SYNJ1: variants seen among roughly 807,000 people sequenced by gnomAD.
SYNJ1 encodes polyphosphatidylinositol phosphatase SYNJ1.
A neutral mutation model predicts 168.2 loss-of-function variants in SYNJ1; 78 were observed. The ratio of observed to expected loss-of-function variants is 0.46; its 90% confidence interval spans 0.39 to 0.56. SYNJ1 has a LOEUF of 0.56. Among genes scored for constraint, SYNJ1 ranks in the 20% least tolerant of loss-of-function variants. The probability of loss-of-function intolerance (pLI) is 0.00; values close to 1 mark genes in which losing one functional copy is unlikely to be tolerated. For synonymous variants in SYNJ1, 539 were observed against 548.6 expected (o/e 0.98, Z 0.24); for missense variants, 1,303 against 1,597.6 (o/e 0.82, Z 3.14).
At chr21:32,701,762 A>G (rs1227751691) in intron 3 of SYNJ1, among the ~76,000 whole-genome samples, 199 bp downstream of exon 3, 1 of 152,166 alleles carries the variant, frequency 6.6e-6, no homozygotes, top group Non-Finnish European at 1.5e-5. Flanking sequence ...TTCCACTCAC[A>G]TGAGTTTGAG....
intron 2 of SYNJ1, among the ~76,000 whole-genome samples, chr21:32,723,190 G>A (rs556558302): frequency 1.3e-5 from 2 of 152,306 alleles, no homozygotes; most frequent in Non-Finnish European, 2.9e-5. Context: ...TCCCTAAGGG[G>A]ATCCATTGTA....
intron 12 of SYNJ1, among the ~76,000 whole-genome samples, chr21:32,677,401 A>C (rs1313941878): frequency 6.6e-6 from 1 of 152,174 alleles, no homozygotes; most frequent in Non-Finnish European, 1.5e-5. Flanking sequence ...AGCAGAACTG[A>C]CTGTACTTTT....
intron 18 of SYNJ1, among the ~76,000 whole-genome samples, chr21:32,663,928 C>T (rs11909288): frequency 6.1e-4 from 93 of 152,300 alleles, no homozygotes; most frequent in African/African-American, 2.2e-3. Context: ...TTACTAATTG[C>T]TGTCTATACA....
At chr21:32,678,311 G>A (rs997690865) in intron 12 of SYNJ1, among the ~76,000 whole-genome samples, 3 of 152,106 alleles carry the variant, frequency 2.0e-5, no homozygotes, top group African/African-American at 7.2e-5. Context: ...TGCATAATTA[G>A]ATTATTAAAT....
intron 2 of SYNJ1, among the ~76,000 whole-genome samples, chr21:32,713,870 T>G (rs1387876742): frequency 6.6e-6 from 1 of 152,208 alleles, no homozygotes; most frequent in East Asian, 1.9e-4. Context: ...GAAAAACACT[T>G]AAAACTATTC....
At chr21:32,684,918 G>A (rs1000839372) in intron 9 of SYNJ1, among the ~76,000 whole-genome samples, 2 of 152,222 alleles carry the variant, frequency 1.3e-5, no homozygotes, top group African/African-American at 2.4e-5. Flanking sequence ...GGTGGCTCAC[G>A]CCTGTAATCC....
intron 6 of SYNJ1, among the ~76,000 whole-genome samples, chr21:32,688,848 C>A (rs988321089): frequency 6.6e-6 from 1 of 152,174 alleles, no homozygotes; most frequent in African/African-American, 2.4e-5. Flanking sequence ...TCCAAGCTGC[C>A]TACCAATACA....
At chr21:32,676,549 A>T (rs1043073114) in intron 12 of SYNJ1, among the ~76,000 whole-genome samples, 194 bp from the exon 13 acceptor site, 1 of 152,190 alleles carries the variant, frequency 6.6e-6, no homozygotes, top group Non-Finnish European at 1.5e-5. Flanking sequence ...TTCTGCACCT[A>T]AGAAGAATCC....
chr21:32,680,692 T>G (rs2041589448), intron 11 of SYNJ1, among the ~76,000 whole-genome samples: 1 of 152,096 alleles, frequency 6.6e-6, no homozygotes, highest in Non-Finnish European at 1.5e-5. Context: ...CTTGGCTCAC[T>G]GCAACCACCA....
intron 32 of SYNJ1, among the ~76,000 whole-genome samples, chr21:32,634,004 T>C (rs2039454294): frequency 6.6e-6 from 1 of 152,162 alleles, no homozygotes. Context: ...CTCTGGACTA[T>C]TTATAGTTAA....
chr21:32,649,473 G>A (rs571721722), intron 23 of SYNJ1, among the ~76,000 whole-genome samples: 5 of 152,268 alleles, frequency 3.3e-5, no homozygotes, highest in African/African-American at 9.6e-5. Context: ...TGATAATGTT[G>A]CCATCAAACA....
intron 1 of SYNJ1, 54 bp from the exon 2 acceptor site, chr21:32,726,971 A>C: frequency 6.3e-7 from 1 of 1,585,238 alleles, no homozygotes; most frequent in East Asian, 2.3e-5. Flanking sequence ...CTTCTGCAGC[A>C]AGGACTGCAA....
intron 23 of SYNJ1, among the ~76,000 whole-genome samples, chr21:32,648,237 C>T (rs2040146355): frequency 6.6e-6 from 1 of 152,166 alleles, no homozygotes; most frequent in Non-Finnish European, 1.5e-5. Flanking sequence ...AACCACCACC[C>T]TAGGACCTCC....
At position 32,646,376 on chromosome 21, in the gene SYNJ1, T is replaced by C; in HGVS notation, c.3247+17A>G. 6.2e-7 allele frequency: 1 copy of C among 1,608,884 alleles called. No homozygotes were observed. ...GGCCACAGGAAGCCATACAAAACTTTCAAATAAAATGCATACTCTGTGCAC... is the reference window on the plus strand; with the variant it reads ...GGCCACAGGAAGCCATACAAAACTTCCAAATAAAATGCATACTCTGTGCAC... On this transcript the variant is annotated intron_variant, in intron 24 of 32. Coordinates refer to ENST00000674351, the MANE Select transcript of SYNJ1 (RefSeq NM_203446.3).
At position 32,638,898 on chromosome 21, in the gene SYNJ1, T is replaced by C. The variant is rs1167944043; in HGVS notation, c.3915+10A>G. The C allele has an allele frequency of 1.9e-6, 3 of 1,585,012 alleles. No individual in the cohort carries two copies. The highest frequency in any genetic ancestry group is 2.6e-6 in the Non-Finnish European group (3 of 1,162,520). On this transcript the variant is annotated intron_variant, in intron 31 of 32. Coordinates refer to ENST00000674351, the MANE Select transcript of SYNJ1 (RefSeq NM_203446.3). ...CAAAGATAATATTTTGTGTAACAAATGAGACTTACTTGCGGTTGTGAGGAA... is the reference window on the plus strand; with the variant it reads ...CAAAGATAATATTTTGTGTAACAAACGAGACTTACTTGCGGTTGTGAGGAA...
At chr21:32,642,628 T>G (rs1023540193) in intron 27 of SYNJ1, among the ~76,000 whole-genome samples, 3 of 152,250 alleles carry the variant, frequency 2.0e-5, no homozygotes, top group African/African-American at 7.2e-5. Context: ...TATCTTATGA[T>G]GAGATCTTTC....
At chr21:32,655,289 T>C (rs1225522609) in intron 21 of SYNJ1, among the ~76,000 whole-genome samples, 2 of 152,234 alleles carry the variant, frequency 1.3e-5, no homozygotes, top group Non-Finnish European at 2.9e-5. Context: ...GTCTACATGA[T>C]GCTTCTGGTG....
At chr21:32,724,480 C>T (rs1233909677) in intron 2 of SYNJ1, among the ~76,000 whole-genome samples, 2 of 152,026 alleles carry the variant, frequency 1.3e-5, no homozygotes, top group Admixed American at 6.5e-5. Flanking sequence ...AGAGTGAGAC[C>T]CTGTCTCAAA....
intron 9 of SYNJ1, among the ~76,000 whole-genome samples, chr21:32,684,905 C>T (rs757690040): frequency 5.3e-4 from 72 of 135,518 alleles, no homozygotes; most frequent in Non-Finnish European, 1.1e-3. Context: ...TACGGCCGGG[C>T]GCGGTGGCTC....
Sources: gnomAD v4.1 joint callset for allele counts (sites outside exome capture counted in the v4.1 genomes callset) on GRCh38, gnomAD v4.1.1 for gene constraint, MANE v1.5 for transcripts, NCBI Gene and HGNC (gene_info 2026-07-23, HGNC 2026-07-21) for gene names.